The following EP300 variants were observed in gnomAD, a reference collection of about 807,000 sequenced individuals.
The protein encoded by EP300 is histone acetyltransferase p300.
A neutral mutation model predicts 264.0 loss-of-function variants in EP300; 31 were observed. The ratio of observed to expected loss-of-function variants is 0.12; its 90% CI spans 0.09 to 0.16. The LOEUF is 0.16. Among genes scored for constraint, EP300 ranks in the 10% least tolerant of loss-of-function variants. The pLI is 1.00. For synonymous variants in EP300, 1,340 were observed against 1,045.4 expected, an observed-to-expected ratio of 1.28 and a Z score of -5.44; for missense variants, 2,766 against 3,052.9, an observed-to-expected ratio of 0.91 and a Z score of 2.21.
chr22:41,115,240 T>C (rs541790257), intron 1 of EP300, among the ~76,000 whole-genome samples: 1 of 152,352 alleles, frequency 6.6e-6, no homozygotes, highest in East Asian at 1.9e-4. Flanking sequence ...TGGTGATGTC[T>C]GGAGACAGTT....
Position 41,177,550 on chromosome 22 carries a change from A to T in EP300, c.5839A>T (p.Ile1947Phe). ...ETQRQMAHVQ[I>F]FQRPIQHQMP... ...GCAGCGCCAGATGGCCCACGTGCAAATTTTTCAAAGGCCAATCCAACACCA... is the reference window on the plus strand; with the variant it reads ...GCAGCGCCAGATGGCCCACGTGCAATTTTTTCAAAGGCCAATCCAACACCA... Residue 1947 changes from isoleucine (I) to phenylalanine (F), a missense_variant, in exon 31 of 31, where the codon ATT becomes TTT. Coordinates refer to ENST00000263253, the MANE Select transcript of EP300 (RefSeq NM_001429.4). 6.2e-7 allele frequency: 1 copy of T among 1,613,920 alleles called. No individual in the cohort carries two copies. The highest frequency in any genetic ancestry group is 8.5e-7 in the Non-Finnish European group (1 of 1,179,982).
At chr22:41,160,441 C>CAAAAAAAAAA in intron 19 of EP300, 1 of 387,834 alleles carries the variant, frequency 2.6e-6, no homozygotes, top group Non-Finnish European at 4.7e-6. Flanking sequence ...CAAAAAAAAA[C>CAAAAAAAAAA]AAAAAAACAA....
chr22:41,157,123 A>G (rs1396311892), intron 17 of EP300, 46 bp from the exon 18 acceptor site: 1 of 1,612,594 alleles, frequency 6.2e-7, no homozygotes, highest in Non-Finnish European at 8.5e-7. Context: ...ATCTCCCGTA[A>G]AAATAGTGAG....
rs1349363022 is a variant in EP300 at position 41,177,760 on chromosome 22, T to G, written c.6049T>G (p.Ser2017Ala). The G allele has an allele frequency of 3.1e-6, 5 of 1,613,796 alleles. No homozygotes were observed. In the African/African-American group the frequency reaches 6.7e-5, roughly 22 times the overall value. Residue 2017 changes from serine to alanine, a missense_variant, in exon 31 of 31, where the codon TCA becomes GCA. Coordinates refer to ENST00000263253, the MANE Select transcript of EP300 (RefSeq NM_001429.4). ...TGGGATGCCAAGGCCAGCCATGATG[T>G]CAGTGGCCCAGCATGGTCAACCTTT... ...QSGMPRPAMM[S>A]VAQHGQPLNM...
intron 2 of EP300, among the ~76,000 whole-genome samples, chr22:41,118,537 T>C (rs2058833849): frequency 6.6e-6 from 1 of 152,256 alleles, no homozygotes; most frequent in South Asian, 2.1e-4. Context: ...ATGTAGTTCG[T>C]TTTTGTTGAA....
chr22:41,109,831 C>T (rs1302146130), intron 1 of EP300, among the ~76,000 whole-genome samples: 1 of 151,630 alleles, frequency 6.6e-6, no homozygotes, highest in East Asian at 1.9e-4. Flanking sequence ...CACCACCCCC[C>T]AAGATGTAGT....
rs766194427 is a variant in EP300 at position 41,152,192 on chromosome 22, AC to A, written c.2998-13del. ...TATCTTTGGAATACTAAAAATTCTT[AC>A]GTTTTCTTTTAGTCTAAAGTGGAAG... On this transcript the variant is annotated splice_polypyrimidine_tract_variant and intron_variant, in intron 15 of 30. Transcript: ENST00000263253. 1.5e-5 allele frequency: 25 copies of A among 1,613,226 alleles called. No homozygotes were observed. The highest frequency in any genetic ancestry group is 6.7e-5 in the Admixed American group (4 of 59,988).
intron 10 of EP300, among the ~76,000 whole-genome samples, chr22:41,141,801 C>T (rs755873999): frequency 2.6e-5 from 4 of 151,952 alleles, no homozygotes; most frequent in South Asian, 2.1e-4. Context: ...CTCAGCCTTC[C>T]GAGTAGCTGG....
chr22:41,166,408 G>A (rs751898238), intron 22 of EP300, among the ~76,000 whole-genome samples, 191 bp from the exon 23 acceptor site: 3 of 152,076 alleles, frequency 2.0e-5, no homozygotes, highest in Non-Finnish European at 4.4e-5. Flanking sequence ...CTTCATGTCT[G>A]TTGCTTGATT....
At chr22:41,164,672 G>A (rs536818079) in intron 22 of EP300, among the ~76,000 whole-genome samples, 87 of 152,256 alleles carry the variant, frequency 5.7e-4, no homozygotes, top group African/African-American at 2.1e-3. Context: ...CTGAGATCAC[G>A]CCACTGCACT....
chr22:41,129,450 G>T (rs1431980663), intron 4 of EP300, among the ~76,000 whole-genome samples: 2 of 152,134 alleles, frequency 1.3e-5, no homozygotes, highest in Non-Finnish European at 2.9e-5. Flanking sequence ...GTTATTGAGG[G>T]TTTGCTAACT....
chr22:41,110,459 A>AT (rs1176426377), intron 1 of EP300, among the ~76,000 whole-genome samples: 2 of 150,508 alleles, frequency 1.3e-5, no homozygotes, highest in Admixed American at 6.6e-5. Context: ...TTCCCGGCTG[A>AT]TTTTTTTATT....
Position 41,111,876 on chromosome 22 carries a change from C to CTTTT in EP300, c.95-5285_95-5282dup, listed in dbSNP as rs71200661. On this transcript the variant is annotated intron_variant, in intron 1 of 30. Coordinates refer to ENST00000263253, the MANE Select transcript of EP300 (RefSeq NM_001429.4). Reference sequence around the variant, plus strand: ...TTTTTTCTTTTTTAGAACTTGTAACCTTTTTTTTTTTTTTTTTTTTTTTTT... The same window carrying CTTTT: ...TTTTTTCTTTTTTAGAACTTGTAACCTTTTTTTTTTTTTTTTTTTTTTTTTTTTT... Among the ~76,000 whole-genome samples, 57 of 54,704 alleles carry CTTTT rather than the reference C, an allele frequency of 1.0e-3. 6 individuals are homozygous for CTTTT. The East Asian group carries it at 0.017, about 17-fold the overall frequency. The allele number at this position is 54,704 out of a possible 152,430, so 35.9% of individuals were successfully genotyped here.
rs561505248 is a variant in EP300, at chr22:41,102,859, ATTTAT to A, written c.94+9764_94+9768del. Reference sequence around the variant, plus strand: ...CTTGTTGGGTGATGATTTATTTATTATTTATTTATTTATTTTGAGACAATCTCTGA... The same window carrying A: ...CTTGTTGGGTGATGATTTATTTATTATTATTTATTTTGAGACAATCTCTGA... On this transcript the variant is annotated intron_variant, in intron 1 of 30. Coordinates refer to ENST00000263253, the MANE Select transcript of EP300 (RefSeq NM_001429.4). Among the ~76,000 whole-genome samples, 28 of 152,136 alleles carry A rather than the reference ATTTAT, an allele frequency of 1.8e-4. No homozygotes were observed. The South Asian group carries it at 5.6e-3, about 30-fold the overall frequency.
At chr22:41,129,175 A>C (rs1186570247) in intron 4 of EP300, among the ~76,000 whole-genome samples, 1 of 130,216 alleles carries the variant, frequency 7.7e-6, no homozygotes, top group Non-Finnish European at 1.7e-5. Flanking sequence ...CATGGCGGCT[A>C]ATTTTTTTTG....
chr22:41,094,467 A>G (rs892857340), intron 1 of EP300, among the ~76,000 whole-genome samples: 2 of 152,228 alleles, frequency 1.3e-5, no homozygotes, highest in Non-Finnish European at 2.9e-5. Context: ...ATTGAGAAGT[A>G]GGAATCTTGC....
chr22:41,134,453 A>G (rs566955731), intron 6 of EP300, among the ~76,000 whole-genome samples: 15 of 152,202 alleles, frequency 9.9e-5, no homozygotes, highest in African/African-American at 3.1e-4. Context: ...GCTGGAGTGC[A>G]GTAGTGCGAT....
At chr22:41,139,420 A>G (rs551152407) in intron 8 of EP300, among the ~76,000 whole-genome samples, 1 of 152,310 alleles carries the variant, frequency 6.6e-6, no homozygotes, top group Non-Finnish European at 1.5e-5. Context: ...GGGGTTGATC[A>G]TTTGACTTTA....
chr22:41,158,347 C>T (rs2145749235), intron 18 of EP300, 65 bp from the exon 19 acceptor site: 1 of 1,316,816 alleles, frequency 7.6e-7, no homozygotes, highest in Non-Finnish European at 1.1e-6. Flanking sequence ...TCTGACTTGC[C>T]ATTCTTACTG....
Sources: gnomAD v4.1 joint callset for allele counts (sites outside exome capture counted in the v4.1 genomes callset) on GRCh38, gnomAD v4.1.1 for gene constraint, MANE v1.5 for transcripts, NCBI Gene and HGNC (gene_info 2026-07-23, HGNC 2026-07-21) for gene names.